Variants in VRK2 observed in about 807,000 individuals in gnomAD.
VRK2 encodes VRK serine/threonine kinase 2.
VRK2 carries 60 observed loss-of-function variants against 57.6 expected under a neutral mutation model. The ratio of observed to expected loss-of-function variants is 1.04; its 90% confidence interval spans 0.85 to 1.29. VRK2 has a LOEUF of 1.29. VRK2 is among the 50% of genes most tolerant of loss of function. The pLI, the probability that VRK2 is intolerant of heterozygous loss-of-function variation, is 0.00. For synonymous variants in VRK2, 231 were observed against 199.2 expected (o/e 1.16, Z -1.35); for missense variants, 705 against 588.1 (o/e 1.20, Z -2.06).
At chr2:58,037,123 A>C (rs556633401) in intron 3 of VRK2, among the ~76,000 whole-genome samples, 122 of 151,980 alleles carry the variant, frequency 8.0e-4, no homozygotes, top group Non-Finnish European at 1.5e-3. Flanking sequence ...TTTTGCAGAG[A>C]TAGGGTCTCA....
chr2:58,035,318 C>A (rs1273643214), intron 3 of VRK2, among the ~76,000 whole-genome samples: 1 of 151,854 alleles, frequency 6.6e-6, no homozygotes, highest in African/African-American at 2.4e-5. Flanking sequence ...ATTACATTAC[C>A]CAGAAGTTTT....
intron 3 of VRK2, chr2:58,033,789 T>C (rs1674188533): frequency 6.6e-6 from 1 of 152,182 alleles, no homozygotes; most frequent in Non-Finnish European, 1.5e-5. Context: ...GTCTAAACTA[T>C]AGGATCTTTC....
chr2:58,086,491 A>G, intron 5 of VRK2, 65 bp downstream of exon 5: 1 of 1,365,280 alleles, frequency 7.3e-7, no homozygotes, highest in Non-Finnish European at 1.0e-6. Context: ...CTATGAGTTA[A>G]CTATTGCCAT....
At chr2:58,013,858 CAAAAAAAAAA>C (rs60604486) in intron 1 of VRK2, among the ~76,000 whole-genome samples, 1 of 62,790 alleles carries the variant, frequency 1.6e-5, no homozygotes, top group South Asian at 7.4e-4. Context: ...GACTCCGTCT[CAAAAAAAAAA>C]AAAAAAAAAA....
intron 1 of VRK2, among the ~76,000 whole-genome samples, chr2:57,989,642 C>T (rs1672703204): frequency 1.3e-5 from 2 of 152,104 alleles, no homozygotes; most frequent in Non-Finnish European, 2.9e-5. Flanking sequence ...AATCAATAAA[C>T]AACTAGGACC....
In VRK2 at chr2:58,086,389, T is replaced by A. The variant is rs1297612290; in HGVS notation, c.307T>A (p.Phe103Ile). 8 of 1,604,780 alleles carry A rather than the reference T, an allele frequency of 5.0e-6. No homozygotes were observed. The African/African-American group carries it at 8.1e-5, about 16-fold the overall frequency. Residue 103 changes from phenylalanine to isoleucine, a missense_variant, in exon 5 of 13, where the codon TTT becomes ATT. Physicochemically the swap from Phe to Ile is conservative, Grantham distance 21. Transcript: ENST00000340157. The stretch of plus-strand genomic sequence containing the variant: ...ACTTGATTATTTAGGAATTCCTCTG[T>A]TTTATGGATCTGGTCTGACTGAATT... ...KQLDYLGIPL[F>I]YGSGLTEFKG...
intron 1 of VRK2, chr2:58,048,480 TTTA>T (rs1263656297): frequency 1.8e-6 from 2 of 1,083,304 alleles, no homozygotes; most frequent in African/African-American, 3.4e-5. Context: ...GTACATGAAA[TTTA>T]TTTTCTTTCT....
intron 1 of VRK2, among the ~76,000 whole-genome samples, chr2:57,923,499 C>T (rs900126266): frequency 2.0e-5 from 3 of 150,570 alleles, no homozygotes; most frequent in African/African-American, 7.3e-5. Flanking sequence ...AGTACCTTTT[C>T]ATATGCCTGT....
chr2:57,991,016 T>C (rs1447376317), intron 1 of VRK2, among the ~76,000 whole-genome samples: 1 of 152,146 alleles, frequency 6.6e-6, no homozygotes, highest in African/African-American at 2.4e-5. Flanking sequence ...ACTTGAATAT[T>C]CCAAAATTCA....
intron 12 of VRK2, among the ~76,000 whole-genome samples, chr2:58,148,572 A>G (rs1682513366): frequency 6.6e-6 from 1 of 151,748 alleles, no homozygotes; most frequent in Admixed American, 6.6e-5. Flanking sequence ...GTTTTTCTGT[A>G]AAGATACCTA....
intron 7 of VRK2, among the ~76,000 whole-genome samples, chr2:58,097,505 G>C (rs139117487): frequency 9.9e-5 from 15 of 152,142 alleles, no homozygotes; most frequent in African/African-American, 2.6e-4. Context: ...CAGAGGAAAT[G>C]TAGTTTGTCC....
chr2:57,973,017 A>G (rs115245591), intron 1 of VRK2, among the ~76,000 whole-genome samples: 2,572 of 151,940 alleles, frequency 0.017, 76 homozygotes, highest in African/African-American at 0.059. Flanking sequence ...TTTTTCCTGA[A>G]TATCTTTGGA....
rs894863079 is a variant in VRK2, at chr2:57,931,319, A to G, written c.-439+23480A>G. Among the ~76,000 whole-genome samples, 3 of 151,990 alleles carry G rather than the reference A, an allele frequency of 2.0e-5. No homozygotes were observed. The South Asian group carries it at 6.2e-4, about 31-fold the overall frequency. On this transcript the variant is annotated intron_variant, in intron 1 of 15. Transcript: ENST00000417641. Reference sequence around the variant, plus strand: ...GTTATCTTCTAAATTTTTTATTACAACCATTCTACAAGATTTCATTATGGT... The same window carrying G: ...GTTATCTTCTAAATTTTTTATTACAGCCATTCTACAAGATTTCATTATGGT...
chr2:58,009,118 T>G (rs750364449), intron 1 of VRK2, among the ~76,000 whole-genome samples: 1 of 152,136 alleles, frequency 6.6e-6, no homozygotes, highest in South Asian at 2.1e-4. Context: ...TGGCAACTCC[T>G]GAATTTTGTA....
At chr2:58,091,562 A>G (rs557395974) in intron 7 of VRK2, among the ~76,000 whole-genome samples, 1 of 152,170 alleles carries the variant, frequency 6.6e-6, no homozygotes, top group Admixed American at 6.5e-5. Flanking sequence ...ATAAAAAATT[A>G]GAAAAAATGT....
Position 58,026,299 on chromosome 2 carries a change from C to T in VRK2, c.-333+529C>T, listed in dbSNP as rs971952812. Among the ~76,000 whole-genome samples, 52 of 151,830 alleles carry T rather than the reference C, an allele frequency of 3.4e-4. 1 individual carries two copies. Among genetic ancestry groups the T allele is most frequent in the African/African-American group, 1.3e-3 (52 of 41,328 alleles). ...TTGTGTGTGTGTGCGCGCGCACACA[C>T]ACATGTGCACATGTGTGAGAAAGAG... is the stretch of plus-strand genomic sequence containing the variant. On this transcript the variant is annotated intron_variant, in intron 2 of 15. Transcript: ENST00000417641.
Position 58,084,123 on chromosome 2 carries a change from A to G in VRK2, c.171A>G (p.Arg57=). ...FPTNKPEKDA[R]HVVKVEYQEN... ...CAAATAAACCAGAGAAAGATGCAAG[A>G]CATGTAGTAAAAGTGGTAAGTGTTG... The change falls in exon 3 of 13, where the codon AGA becomes AGG. Residue 57 remains arginine (R), a synonymous_variant. Transcript: ENST00000340157. 3.7e-6 allele frequency: 6 copies of G among 1,607,400 alleles called. No individual in the cohort carries two copies. Among genetic ancestry groups the G allele is most frequent in the Non-Finnish European group, 5.1e-6 (6 of 1,175,944 alleles).
chr2:57,931,834 T>A (rs941907046), intron 1 of VRK2, among the ~76,000 whole-genome samples: 26 of 151,740 alleles, frequency 1.7e-4, no homozygotes, highest in Admixed American at 1.7e-3. Context: ...TTTTTTGGTA[T>A]ATGTATATTC....
At chr2:57,982,156 T>G (rs1473334701) in intron 1 of VRK2, among the ~76,000 whole-genome samples, 1 of 152,210 alleles carries the variant, frequency 6.6e-6, no homozygotes, top group African/African-American at 2.4e-5. Context: ...GGGGCCAAGA[T>G]TCAGCTCAGC....
Sources: allele counts gnomAD v4.1 joint callset (sites outside exome capture counted in the v4.1 genomes callset), GRCh38; gene constraint gnomAD v4.1.1; transcripts MANE v1.5; gene names NCBI Gene and HGNC (gene_info 2026-07-23, HGNC 2026-07-21).